CDV3: variants seen among roughly 807,000 people sequenced by gnomAD.
The protein encoded by CDV3 is protein CDV3 homolog.
CDV3 carries 14 observed loss-of-function variants against 24.5 expected under a neutral mutation model. That is an observed-to-expected ratio of 0.57 (90% CI 0.38 to 0.89). The LOEUF (loss-of-function observed/expected upper bound fraction) is 0.89, where lower values mean the gene tolerates loss of function less well. Ranked by LOEUF, CDV3 falls within the 40% of genes least tolerant of loss-of-function variation. The pLI, the probability that CDV3 is intolerant of heterozygous loss-of-function variation, is 0.00. For synonymous variants in CDV3, 114 were observed against 114.1 expected, an observed-to-expected ratio of 1.00 and a Z score of 0.00; for missense variants, 304 against 310.2, an observed-to-expected ratio of 0.98 and a Z score of 0.15.
At chr3:133,574,771 C>G (rs771745798) in intron 1 of CDV3, 64 of 1,106,716 alleles carry the variant, frequency 5.8e-5, no homozygotes, top group Non-Finnish European at 1.3e-5. Flanking sequence ...TTGTGAAATT[C>G]CTATTGACTT....
intron 2 of CDV3, 124 bp downstream of exon 2, chr3:133,575,239 C>T: frequency 3.3e-6 from 2 of 597,766 alleles, no homozygotes; most frequent in Non-Finnish European, 6.1e-6. Flanking sequence ...CTTATTAGGA[C>T]TCAAATGGGT....
In CDV3 at chr3:133,573,703, G is replaced by C. The variant is rs2074693935; in HGVS notation, c.-342G>C. 6.6e-6 allele frequency: 1 copy of C among 151,472 alleles called. No individual in the cohort carries two copies. Among genetic ancestry groups the C allele is most frequent in the African/African-American group, 2.4e-5 (1 of 41,072 alleles). The allele number at this position is 151,472 out of a possible 1,614,324, so 9.4% of individuals were successfully genotyped here. ...GCCTCTTCCTCCGGCACGCGCCGCT[G>C]CTAGCCGAGCACTCTCGCCAGAACC... On this transcript the variant is annotated 5_prime_UTR_variant, in exon 1 of 5. Coordinates refer to ENST00000264993, the MANE Select transcript of CDV3 (RefSeq NM_017548.5).
At chr3:133,581,188 G>T (rs1196721012) in intron 2 of CDV3, among the ~76,000 whole-genome samples, 2 of 152,082 alleles carry the variant, frequency 1.3e-5, no homozygotes, top group African/African-American at 4.8e-5. Flanking sequence ...TTCAAGACCA[G>T]CCTGGGCAAG....
At position 133,576,841 on chromosome 3, in the gene CDV3, C is replaced by CTTT. The variant is rs370619351; in HGVS notation, c.317+1747_317+1749dup. Reference sequence around the variant, plus strand: ...TCTGTTCAACCTGAAGGTAGACTAGCTTTTTTTTTTTTTTTTTTTTTTTGA... The same window carrying CTTT: ...TCTGTTCAACCTGAAGGTAGACTAGCTTTTTTTTTTTTTTTTTTTTTTTTTTGA... On this transcript the variant is annotated intron_variant, in intron 2 of 4. Transcript: ENST00000264993. 1.3e-3 allele frequency among the ~76,000 whole-genome samples: 78 copies of CTTT among 62,378 alleles called. 15 individuals are homozygous for CTTT. Among genetic ancestry groups the CTTT allele is most frequent in the African/African-American group, 2.9e-3 (43 of 14,732 alleles). The allele number at this position is 62,378 out of a possible 152,430, so 40.9% of individuals were successfully genotyped here.
rs1220777985 is a variant in CDV3, at chr3:133,573,839, C to G, written c.-206C>G. ...AGCCTCGGGCGACAGCGGCGGCGCG[C>G]GAGCCCCCGGGCGGACCGTACCACC... is the stretch of plus-strand genomic sequence containing the variant. On this transcript the variant is annotated 5_prime_UTR_variant, in exon 1 of 5. Coordinates refer to ENST00000264993, the MANE Select transcript of CDV3 (RefSeq NM_017548.5). 4 of 177,504 alleles carry G rather than the reference C, an allele frequency of 2.3e-5. No individual in the cohort carries two copies. The highest frequency in any genetic ancestry group is 4.4e-5 in the Non-Finnish European group (4 of 91,472). 11.0% of individuals were successfully genotyped at this position (177,504 alleles called of 1,614,324 possible). A position where few individuals can be genotyped will look rare whatever the true frequency, so the allele number is the denominator to read the frequency against.
chr3:133,574,029 C>G lies in CDV3; in HGVS notation c.-16C>G. 4.2e-5 allele frequency: 47 copies of G among 1,126,714 alleles called. No individual in the cohort carries two copies. Among genetic ancestry groups the G allele is most frequent in the Non-Finnish European group, 5.0e-5 (45 of 904,698 alleles). 69.8% of individuals were successfully genotyped at this position (1,126,714 alleles called of 1,614,324 possible). ...CGCCGCCGGCCCCACCCATCCGGGT[C>G]GAGGAGGCCGAGGCCATGGCTGAGA... is the stretch of plus-strand genomic sequence containing the variant. On this transcript the variant is annotated 5_prime_UTR_variant, in exon 1 of 5. Coordinates refer to ENST00000264993, the MANE Select transcript of CDV3 (RefSeq NM_017548.5).
At position 133,585,486 on chromosome 3, in the gene CDV3, C is replaced by A. The variant is rs149534884; in HGVS notation, c.467-1077C>A. On this transcript the variant is annotated intron_variant, in intron 3 of 4. Transcript: ENST00000264993. ...GTGAGCCATTGTGCCTGGCTAGAAT[C>A]TTTTTTTCTTTTTCTTTTTTTTTTT... Among the ~76,000 whole-genome samples the A allele has an allele frequency of 1.9e-3, 290 of 149,134 alleles. 1 individual carries two copies. The highest frequency in any genetic ancestry group is 7.0e-3 in the African/African-American group (281 of 40,086).
chr3:133,588,230 G>C lies in CDV3; in HGVS notation c.*184G>C. On this transcript the variant is annotated 3_prime_UTR_variant, in exon 5 of 5. Transcript: ENST00000264993. ...CTGCTCTATGCATATTGGATTTAGGGGAATTTTCATTGTTACATAAATGTG... is the reference window on the plus strand; with the variant it reads ...CTGCTCTATGCATATTGGATTTAGGCGAATTTTCATTGTTACATAAATGTG... The C allele has an allele frequency of 6.5e-7, 1 of 1,539,118 alleles. No homozygotes were observed.
chr3:133,582,899 A>G (rs918107202), intron 2 of CDV3, among the ~76,000 whole-genome samples: 2 of 152,264 alleles, frequency 1.3e-5, no homozygotes, highest in African/African-American at 2.4e-5. Context: ...CCCTGTTGTC[A>G]GTATCCCTTT....
At chr3:133,586,919 G>A (rs1933663882) in intron 4 of CDV3, among the ~76,000 whole-genome samples, 197 bp downstream of exon 4, 1 of 152,222 alleles carries the variant, frequency 6.6e-6, no homozygotes, top group Admixed American at 6.5e-5. Context: ...AGGGCAAAGA[G>A]CATTGGAGAC....
chr3:133,574,446 C>T lies in CDV3; in HGVS notation c.240+162C>T, dbSNP rs569973591. ...GGCTCTCCACCTCGGGCTGGGCTCG[C>T]CAGGGCCGGGACCCCTTCCGATATC... On this transcript the variant is annotated intron_variant, in intron 1 of 4. Coordinates refer to ENST00000264993, the MANE Select transcript of CDV3 (RefSeq NM_017548.5). The T allele has an allele frequency of 2.7e-5, 27 of 986,282 alleles. No homozygotes were observed. In the Admixed American group the frequency reaches 9.2e-4, roughly 34 times the overall value. The allele number at this position is 986,282 out of a possible 1,614,324, so 61.1% of individuals were successfully genotyped here.
intron 4 of CDV3, chr3:133,587,660 T>C (rs922790316): frequency 1.7e-6 from 2 of 1,207,806 alleles, no homozygotes; most frequent in Admixed American, 4.0e-5. Flanking sequence ...TGAAATAGGG[T>C]CACAGTTAAT....
At chr3:133,579,071 T>A (rs1200370826) in intron 2 of CDV3, among the ~76,000 whole-genome samples, 1 of 152,250 alleles carries the variant, frequency 6.6e-6, no homozygotes, top group East Asian at 1.9e-4. Context: ...TGCTACTTTG[T>A]AGCCCTGGGG....
chr3:133,584,194 A>G (rs1272863700), intron 3 of CDV3, 44 bp downstream of exon 3: 15 of 1,406,110 alleles, frequency 1.1e-5, no homozygotes, highest in Non-Finnish European at 1.5e-5. Flanking sequence ...TAATTTATAT[A>G]TGATTTTATA....
At chr3:133,582,484 T>TA (rs1301950925) in intron 2 of CDV3, among the ~76,000 whole-genome samples, 1 of 152,266 alleles carries the variant, frequency 6.6e-6, no homozygotes. Flanking sequence ...TTTTGCCACT[T>TA]ACTTTTTTCC....
At chr3:133,587,117 G>A (rs1933685594) in intron 4 of CDV3, 2 of 1,025,158 alleles carry the variant, frequency 2.0e-6, no homozygotes, top group Non-Finnish European at 2.7e-6. Context: ...GACAGAAGAT[G>A]TTGGCATTTA....
Position 133,586,584 on chromosome 3 carries a change from C to A in CDV3, c.488C>A (p.Ala163Glu). Residue 163 changes from alanine to glutamate, a missense_variant, in exon 4 of 5, where the codon GCG (alanine) becomes GAG (glutamate). Transcript: ENST00000264993. ...TTAGTTACAGAAACCCCAGAACCAG[C>A]GATGACTAGTGGTGTGTATAGGCCT... ...PVIVTETPEP[A>E]MTSGVYRPPG... The A allele has an allele frequency of 6.3e-7, 1 of 1,588,798 alleles. No homozygotes were observed. Among genetic ancestry groups the A allele is most frequent in the Non-Finnish European group, 8.6e-7 (1 of 1,158,796 alleles).
intron 4 of CDV3, chr3:133,587,051 G>T: frequency 1.8e-6 from 1 of 547,336 alleles, no homozygotes; most frequent in South Asian, 5.7e-5. Flanking sequence ...CTTATAATAT[G>T]GAAACTAGAA....
Position 133,588,324 on chromosome 3 carries a change from TG to T in CDV3, c.*280del. On this transcript the variant is annotated 3_prime_UTR_variant, in exon 5 of 5. Coordinates refer to ENST00000264993, the MANE Select transcript of CDV3 (RefSeq NM_017548.5). Reference sequence around the variant, plus strand: ...ACAAAAAACCAAAACCTGCAGCCAGTGGTCATTTCAAAATCTTTTTATGTTC... The same window carrying T: ...ACAAAAAACCAAAACCTGCAGCCAGTGTCATTTCAAAATCTTTTTATGTTC... The T allele has an allele frequency of 6.5e-7, 1 of 1,536,620 alleles. No homozygotes were observed. Among genetic ancestry groups the T allele is most frequent in the Non-Finnish European group, 8.7e-7 (1 of 1,146,852 alleles).
Sources: allele counts gnomAD v4.1 joint callset (sites outside exome capture counted in the v4.1 genomes callset), GRCh38; gene constraint gnomAD v4.1.1; transcripts MANE v1.5; gene names NCBI Gene and HGNC (gene_info 2026-07-23, HGNC 2026-07-21).